The following RTN2 variants were observed in gnomAD, a reference collection of about 807,000 sequenced individuals.
RTN2 encodes reticulon-2.
Under a neutral mutation model 63.7 loss-of-function variants are expected in RTN2, and 36 were observed. That is an observed-to-expected ratio of 0.56 (90% CI 0.43 to 0.75). The LOEUF is 0.75. Among genes scored for constraint, RTN2 ranks in the 30% least tolerant of loss-of-function variants. The probability of loss-of-function intolerance (pLI) is 0.00; values close to 1 mark genes in which losing one functional copy is unlikely to be tolerated. For synonymous variants in RTN2, 312 were observed against 313.0 expected (o/e 1.00, Z 0.03); for missense variants, 673 against 705.1 (o/e 0.95, Z 0.52).
chr19:45,493,044 C>G, intron 5 of RTN2, 116 bp downstream of exon 5: 1 of 1,068,868 alleles, frequency 9.4e-7, no homozygotes, highest in Non-Finnish European at 1.4e-6. Context: ...CCCCAGCCTG[C>G]AGCGCTGCGG....
In RTN2 at chr19:45,493,356, C is replaced by A. The variant is rs778252169; in HGVS notation, c.837G>T (p.Lys279Asn). The change falls in exon 5 of 11, where the codon AAG becomes AAT. Residue 279 changes from lysine (K) to asparagine (N), a missense_variant. Coordinates refer to ENST00000245923, the MANE Select transcript of RTN2 (RefSeq NM_005619.5). ...TGTAAACAGCCAAAAGCAATGATGT[C>A]TTTAACCATTCCATAGCTGTTCCTG... ...RLLGTAMEWL[K>N]TSLLLAVYKT... 1 of 1,609,226 alleles carries A rather than the reference C, an allele frequency of 6.2e-7. No homozygotes were observed. Among genetic ancestry groups the A allele is most frequent in the Non-Finnish European group, 8.5e-7 (1 of 1,178,776 alleles).
chr19:45,485,608 C>T lies in RTN2; in HGVS notation c.*100G>A. 3.1e-6 allele frequency: 3 copies of T among 960,972 alleles called. No homozygotes were observed. The highest frequency in any genetic ancestry group is 1.6e-5 in the African/African-American group (1 of 62,526). 59.5% of individuals were successfully genotyped at this position (960,972 alleles called of 1,614,324 possible). Reference sequence around the variant, plus strand: ...TCCTGACACCCACCGGGAAAAGGCTCGGGCCGAGGAGGGGGGTGGGTGGGA... The same window carrying T: ...TCCTGACACCCACCGGGAAAAGGCTTGGGCCGAGGAGGGGGGTGGGTGGGA... On this transcript the variant is annotated 3_prime_UTR_variant, in exon 11 of 11. Coordinates refer to ENST00000245923, the MANE Select transcript of RTN2 (RefSeq NM_005619.5).
At chr19:45,492,682 C>T (rs1198912262) in intron 5 of RTN2, among the ~76,000 whole-genome samples, 1 of 152,226 alleles carries the variant, frequency 6.6e-6, no homozygotes, top group Admixed American at 6.5e-5. Context: ...CTCTTAGAGG[C>T]TCACCCCTCA....
chr19:45,496,885 GGGGT>G lies in RTN2; in HGVS notation c.-64_-61del. 1 of 1,152,082 alleles carries G rather than the reference GGGGT, an allele frequency of 8.7e-7. No individual in the cohort carries two copies. 71.4% of individuals were successfully genotyped at this position (1,152,082 alleles called of 1,614,324 possible). On this transcript the variant is annotated 5_prime_UTR_variant, in exon 1 of 11. Coordinates refer to ENST00000245923, the MANE Select transcript of RTN2 (RefSeq NM_005619.5). ...ACTCCGGCTGTGCCGCCCTGGGCCC[GGGGT>G]CGCGGGCGCTCATCTCCGCCGCGCC...
At chr19:45,496,618 G>T (rs1206441172) in intron 1 of RTN2, 174 bp downstream of exon 1, 1 of 407,252 alleles carries the variant, frequency 2.5e-6, no homozygotes, top group Non-Finnish European at 4.4e-6. Context: ...CAGGTCCTCC[G>T]GGTCAGGCTA....
rs758812798 is a variant in RTN2 at position 45,494,256 on chromosome 19, G to T, written c.724C>A (p.Gln242Lys). 36 of 1,613,390 alleles carry T rather than the reference G, an allele frequency of 2.2e-5. No individual in the cohort carries two copies. The highest frequency in any genetic ancestry group is 2.9e-5 in the Non-Finnish European group (34 of 1,180,020). The change falls in exon 4 of 11, where the codon CAG becomes AAG. Residue 242 changes from glutamine to lysine, a missense_variant. By Grantham distance (53) the Gln-to-Lys change is moderately conservative. Coordinates refer to ENST00000245923, the MANE Select transcript of RTN2 (RefSeq NM_005619.5). The surrounding 1 kb of genome is among the most constrained non-coding windows in gnomAD (Gnocchi z 5.3). ...EEPLLEEEEK[Q>K]WGPLEREPVR... ...GGCTCTCGCTCCAGTGGCCCCCACTGCTTTTCTTCCTCTTCCAGCAATGGC... is the reference window on the plus strand; with the variant it reads ...GGCTCTCGCTCCAGTGGCCCCCACTTCTTTTCTTCCTCTTCCAGCAATGGC...
At chr19:45,489,038 G>A in intron 6 of RTN2, 52 bp from the exon 7 acceptor site, 1 of 1,586,668 alleles carries the variant, frequency 6.3e-7, no homozygotes, top group Non-Finnish European at 8.6e-7. Flanking sequence ...AGCTCAGACT[G>A]GTGCAGGGGC....
In RTN2 at chr19:45,493,398, T is replaced by C. The variant is rs368551439; in HGVS notation, c.815-20A>G. On this transcript the variant is annotated intron_variant, in intron 4 of 10. Coordinates refer to ENST00000245923, the MANE Select transcript of RTN2 (RefSeq NM_005619.5). ...CTGTTCCTGGAGGCGGAGCATATTT[T>C]AAAGTAAGGCTGGGTCATTTTACAA... 37 of 1,576,396 alleles carry C rather than the reference T, an allele frequency of 2.3e-5. No individual in the cohort carries two copies. In the African/African-American group the frequency reaches 3.7e-4, roughly 16 times the overall value.
intron 4 of RTN2, chr19:45,493,913 C>CT (rs1968214307): frequency 4.1e-6 from 2 of 482,028 alleles, no homozygotes; most frequent in Non-Finnish European, 7.5e-6. Context: ...TGATCTCGAA[C>CT]TCCTCACCTC....
Position 45,496,962 on chromosome 19 carries a change from A to AGCC in RTN2, c.-140_-138dup, listed in dbSNP as rs3038807. ...CCGCCTCCTCCTCCCGGGCTGCTCC[A>AGCC]GCCGCCGCCGCCGCCGCCGCCGCCG... On this transcript the variant is annotated 5_prime_UTR_variant, in exon 1 of 11. Coordinates refer to ENST00000245923, the MANE Select transcript of RTN2 (RefSeq NM_005619.5). 7,261 of 336,076 alleles carry AGCC rather than the reference A, an allele frequency of 0.022. 106 individuals carry two copies. Among genetic ancestry groups the AGCC allele is most frequent in the Non-Finnish European group, 0.027 (5,415 of 198,498 alleles). 20.8% of individuals were successfully genotyped at this position (336,076 alleles called of 1,614,324 possible).
In RTN2 at chr19:45,494,657, C is replaced by T; in HGVS notation, c.428G>A (p.Arg143Gln). The change falls in exon 3 of 11, where the codon CGG (arginine) becomes CAG (glutamine). Residue 143 changes from arginine to glutamine, a missense_variant. Physicochemically the swap from Arg to Gln is conservative, Grantham distance 43. Coordinates refer to ENST00000245923, the MANE Select transcript of RTN2 (RefSeq NM_005619.5). The surrounding 1 kb of genome is among the most constrained non-coding windows in gnomAD (Gnocchi z 5.3). ...GGCCACCCAGCCCAGATGGTCCAAC[C>T]GAAGCCTCAGGTCTTCCAGAGGGCG... ...SERPLEDLRLRLDHLGWVARG... is the reference protein window; with the variant it reads ...SERPLEDLRLQLDHLGWVARG... The T allele has an allele frequency of 1.2e-6, 2 of 1,613,864 alleles. No individual in the cohort carries two copies. The highest frequency in any genetic ancestry group is 1.7e-6 in the Non-Finnish European group (2 of 1,180,030).
At chr19:45,493,415 AT>A in intron 4 of RTN2, 37 bp from the exon 5 acceptor site, 1 of 1,469,266 alleles carries the variant, frequency 6.8e-7, no homozygotes. Context: ...AGGCTGGGTC[AT>A]TTTACAACTG....
chr19:45,491,720 C>T (rs1356328790), intron 5 of RTN2, among the ~76,000 whole-genome samples: 6 of 151,620 alleles, frequency 4.0e-5, no homozygotes, highest in African/African-American at 9.7e-5. Flanking sequence ...TTAGTAGAGA[C>T]GGGGTTTCAC....
Position 45,485,722 on chromosome 19 carries a change from C to A in RTN2, c.1624G>T (p.Ala542Ser), listed in dbSNP as rs745684949. ...AGACACCGTTCTCATTCGGCTTTGG[C>A]TTTGGATCCGGAGACTGCGGCTGCT... ...SAAAAVSGSK[A>S]KAE The change falls in exon 11 of 11, where the codon GCC (alanine) becomes TCC (serine). Residue 542 changes from alanine (A) to serine (S), a missense_variant. By Grantham distance (99) the Ala-to-Ser change is moderately conservative. Transcript: ENST00000245923. The A allele has an allele frequency of 1.5e-5, 24 of 1,613,886 alleles. No homozygotes were observed. Among genetic ancestry groups the A allele is most frequent in the Non-Finnish European group, 1.9e-5 (23 of 1,179,976 alleles).
Position 45,491,362 on chromosome 19 carries a change from T to TA in RTN2, c.1033+1797_1033+1798insT, listed in dbSNP as rs1288193947. 3.9e-5 allele frequency among the ~76,000 whole-genome samples: 3 copies of TA among 77,834 alleles called. No homozygotes were observed. In the East Asian group the frequency reaches 1.1e-3, roughly 29 times the overall value. The allele number at this position is 77,834 out of a possible 152,430, so 51.1% of individuals were successfully genotyped here. The stretch of plus-strand genomic sequence containing the variant: ...GGTGGCACCACGATATCGTGCTAAT[T>TA]TTTTTTTTTTTTTTTTTGGACAAAG... On this transcript the variant is annotated intron_variant, in intron 5 of 10. Coordinates refer to ENST00000245923, the MANE Select transcript of RTN2 (RefSeq NM_005619.5).
chr19:45,488,414 G>A (rs548439049), intron 9 of RTN2, 57 bp downstream of exon 9: 6 of 1,574,550 alleles, frequency 3.8e-6, no homozygotes, highest in Admixed American at 3.5e-5. Flanking sequence ...TCTGGAAGGA[G>A]ATGGTCAGAC....
In RTN2 at chr19:45,494,098, T is replaced by G. The variant is rs1218848697; in HGVS notation, c.814+68A>C. 7.6e-6 allele frequency: 12 copies of G among 1,571,530 alleles called. No individual in the cohort carries two copies. Among genetic ancestry groups the G allele is most frequent in the Middle Eastern group, 1.7e-4 (1 of 5,726 alleles). On this transcript the variant is annotated intron_variant, in intron 4 of 10. Coordinates refer to ENST00000245923, the MANE Select transcript of RTN2 (RefSeq NM_005619.5). This position sits in a 1 kb window ranked among gnomAD's most constrained non-coding sequence, Gnocchi z 5.3. ...CTGTTCCTTTGCGAGGTTGGTCCCT[T>G]TAATTCAAAATCCTCTCACCTTTTG... is the stretch of plus-strand genomic sequence containing the variant.
At chr19:45,491,082 G>T (rs1157350368) in intron 5 of RTN2, among the ~76,000 whole-genome samples, 3 of 151,144 alleles carry the variant, frequency 2.0e-5, no homozygotes, top group Non-Finnish European at 4.4e-5. Flanking sequence ...TAGAGATGGG[G>T]TTTCACCGTG....
Position 45,493,321 on chromosome 19 carries a change from G to A in RTN2, c.872C>T (p.Pro291Leu). ...SLLLAVYKTV[P>L]ILELSPPLWT... is the part of the protein sequence containing the mutation. ...CAGAGGTGGGGACAATTCCAAAATT[G>A]GAACCGTCTTGTAAACAGCCAAAAG... is the stretch of plus-strand genomic sequence containing the variant. The change falls in exon 5 of 11, where the codon CCA becomes CTA. Residue 291 changes from proline (P) to leucine (L), a missense_variant. By Grantham distance (98) the Pro-to-Leu change is moderately conservative (BLOSUM62 -3). Transcript: ENST00000245923. The A allele has an allele frequency of 6.2e-7, 1 of 1,611,320 alleles. No homozygotes were observed. The highest frequency in any genetic ancestry group is 8.5e-7 in the Non-Finnish European group (1 of 1,179,324).
Sources: allele counts gnomAD v4.1 joint callset (sites outside exome capture counted in the v4.1 genomes callset), GRCh38; gene constraint gnomAD v4.1.1; non-coding constraint Gnocchi (gnomAD v3.1); transcripts MANE v1.5; gene names NCBI Gene and HGNC (gene_info 2026-07-23, HGNC 2026-07-21).